PRLR: variants seen among roughly 807,000 people sequenced by gnomAD.
PRLR encodes the protein hPRL receptor.
PRLR carries 13 observed loss-of-function variants against 40.2 expected under a neutral mutation model. The observed-to-expected ratio is 0.32, with a 90% CI of 0.21 to 0.51. The LOEUF (loss-of-function observed/expected upper bound fraction) is 0.51. Ranked by LOEUF, PRLR falls within the 20% of genes least tolerant of loss-of-function variation. PRLR has a pLI of 0.97. For missense variants in PRLR, 656 were observed against 747.3 expected, an observed-to-expected ratio of 0.88 and a Z score of 1.42; for synonymous variants, 269 against 278.7, an observed-to-expected ratio of 0.97 and a Z score of 0.35.
At chr5:35,080,218 AC>A (rs1270065436) in intron 5 of PRLR, among the ~76,000 whole-genome samples, 1 of 152,246 alleles carries the variant, frequency 6.6e-6, no homozygotes, top group Non-Finnish European at 1.5e-5. Context: ...GAGCTTCTGC[AC>A]AGTAAAATAA....
intron 5 of PRLR, among the ~76,000 whole-genome samples, chr5:35,079,918 A>C (rs1250883363): frequency 6.6e-6 from 1 of 152,206 alleles, no homozygotes; most frequent in African/African-American, 2.4e-5. Flanking sequence ...GACAAACCTG[A>C]CAAAAACAAG....
In PRLR at chr5:35,115,902, T is replaced by A. The variant is rs188732868; in HGVS notation, c.-44+2159A>T. On this transcript the variant is annotated intron_variant, in intron 2 of 9. Transcript: ENST00000618457. ...AGGAATTGCAATTTTACTCTTAACT[T>A]TTAATCCCCTCTTTTAAGGAGGGTC... 8.7e-4 allele frequency among the ~76,000 whole-genome samples: 132 copies of A among 152,234 alleles called. 1 individual carries two copies. The highest frequency in any genetic ancestry group is 1.4e-3 in the Admixed American group (21 of 15,286).
At chr5:35,122,045 A>G (rs543098418) in intron 1 of PRLR, among the ~76,000 whole-genome samples, 1 of 152,328 alleles carries the variant, frequency 6.6e-6, no homozygotes, top group East Asian at 1.9e-4. Flanking sequence ...AAAATAATAC[A>G]TGGTAATTCA....
chr5:35,182,678 G>T (rs1276538481), intron 1 of PRLR, among the ~76,000 whole-genome samples: 1 of 152,120 alleles, frequency 6.6e-6, no homozygotes, highest in Non-Finnish European at 1.5e-5. Flanking sequence ...TGAGCAGGTG[G>T]GATCTCAAGG....
intron 1 of PRLR, among the ~76,000 whole-genome samples, chr5:35,172,907 GT>G: frequency 6.6e-6 from 1 of 152,334 alleles, no homozygotes; most frequent in South Asian, 2.1e-4. Flanking sequence ...CTGTGAAAAT[GT>G]AATAAATTCA....
intron 1 of PRLR, among the ~76,000 whole-genome samples, chr5:35,190,782 G>C (rs1304053400): frequency 6.6e-6 from 1 of 152,208 alleles, no homozygotes; most frequent in East Asian, 1.9e-4. Flanking sequence ...CACTGTGCTA[G>C]AGCATCTTGA....
chr5:35,184,397 C>T (rs12515705), intron 1 of PRLR, among the ~76,000 whole-genome samples: 2 of 152,090 alleles, frequency 1.3e-5, no homozygotes, highest in Admixed American at 6.5e-5. Context: ...CCCTGTAGCC[C>T]CAGCTACTCG....
chr5:35,142,857 G>A (rs1774063462), intron 1 of PRLR, among the ~76,000 whole-genome samples: 1 of 152,224 alleles, frequency 6.6e-6, no homozygotes, highest in Non-Finnish European at 1.5e-5. Context: ...TACTTGCTGT[G>A]TGAGTTACTT....
intron 1 of PRLR, among the ~76,000 whole-genome samples, chr5:35,187,729 C>T (rs66795730): frequency 0.12 from 17,532 of 152,194 alleles, 1,136 homozygotes; most frequent in Admixed American, 0.13. Flanking sequence ...TGTCTGAAGC[C>T]GCATAGCTTT....
At chr5:35,108,755 A>G (rs1424458604) in intron 2 of PRLR, among the ~76,000 whole-genome samples, 1 of 152,256 alleles carries the variant, frequency 6.6e-6, no homozygotes, top group Non-Finnish European at 1.5e-5. Context: ...GCTCATAGAT[A>G]GGAATAATCA....
chr5:35,153,471 A>G (rs984192414), intron 1 of PRLR, among the ~76,000 whole-genome samples: 6 of 152,136 alleles, frequency 3.9e-5, no homozygotes, highest in Non-Finnish European at 8.8e-5. Context: ...CTTATTCCTC[A>G]CAAAAGCCAT....
intron 2 of PRLR, among the ~76,000 whole-genome samples, chr5:35,108,036 T>A (rs564951611): frequency 1.6e-3 from 241 of 152,232 alleles, no homozygotes; most frequent in African/African-American, 5.5e-3. Context: ...ACAATCAAGT[T>A]GGCTTCATCC....
At chr5:35,077,571 A>G (rs1008769853) in intron 5 of PRLR, among the ~76,000 whole-genome samples, 2 of 152,220 alleles carry the variant, frequency 1.3e-5, no homozygotes, top group Admixed American at 6.5e-5. Context: ...TTAGAGACCT[A>G]CAAAGAGACT....
At chr5:35,084,417 T>C in intron 5 of PRLR, 53 bp downstream of exon 5, 3 of 1,458,766 alleles carry the variant, frequency 2.1e-6, no homozygotes, top group Non-Finnish European at 2.7e-6. Context: ...GTGTGACTAT[T>C]GGCTAATACA....
chr5:35,063,169 T>C lies in PRLR; in HGVS notation c.*1920A>G, dbSNP rs1053331667. ...GGGACTGAATGAGCTTGGACAACTT[T>C]CCCACACGCTTCCCTTACTCACATG... On this transcript the variant is annotated 3_prime_UTR_variant, in exon 10 of 10. Coordinates refer to ENST00000618457, the MANE Select transcript of PRLR (RefSeq NM_000949.7). The C allele has an allele frequency of 6.6e-6, 1 of 152,198 alleles. No individual in the cohort carries two copies. Among genetic ancestry groups the C allele is most frequent in the Non-Finnish European group, 1.5e-5 (1 of 68,030 alleles). 9.4% of individuals were successfully genotyped at this position (152,198 alleles called of 1,614,324 possible).
chr5:35,153,758 TACAC>T (rs146437480), intron 1 of PRLR, among the ~76,000 whole-genome samples: 14 of 140,644 alleles, frequency 1.0e-4, no homozygotes, highest in East Asian at 4.0e-4. Context: ...CTACACACAC[TACAC>T]ACACACACAC....
chr5:35,216,356 G>A (rs1300433556), intron 1 of PRLR, among the ~76,000 whole-genome samples: 3 of 152,074 alleles, frequency 2.0e-5, no homozygotes, highest in Admixed American at 2.0e-4. Context: ...TTTGGAGGAG[G>A]AAGGGGTCTG....
chr5:35,222,734 G>A (rs932299546), intron 1 of PRLR, among the ~76,000 whole-genome samples: 2 of 152,262 alleles, frequency 1.3e-5, no homozygotes, highest in African/African-American at 2.4e-5. Context: ...GTTTAATAAG[G>A]TATGTGGAAT....
chr5:35,226,662 G>A (rs1192748077), intron 1 of PRLR, among the ~76,000 whole-genome samples: 1 of 152,220 alleles, frequency 6.6e-6, no homozygotes, highest in East Asian at 1.9e-4. Flanking sequence ...GCGGGTTTAA[G>A]TTCAAGGGTA....
Sources: gnomAD v4.1 joint callset for allele counts (sites outside exome capture counted in the v4.1 genomes callset) on GRCh38, gnomAD v4.1.1 for gene constraint, MANE v1.5 for transcripts, NCBI Gene and HGNC (gene_info 2026-07-23, HGNC 2026-07-21) for gene names.